The following CLIC2 variants were observed in gnomAD, a reference collection of about 807,000 sequenced individuals.
The protein encoded by CLIC2 is CLIC family member 2.
In CLIC2, 9 loss-of-function variants were observed where a neutral mutation model predicts 14.8. The ratio of observed to expected loss-of-function variants is 0.61; its 90% CI spans 0.37 to 1.06. The LOEUF (loss-of-function observed/expected upper bound fraction) is 1.06, where lower values mean the gene tolerates loss of function less well. Ranked by LOEUF, CLIC2 falls within the 50% of genes least tolerant of loss-of-function variation. The pLI is 0.01. For missense variants in CLIC2, 148 were observed against 181.4 expected (o/e 0.82, Z 1.06); for synonymous variants, 61 against 66.3 (o/e 0.92, Z 0.39).
chrX:155,333,249 A>G, intron 1 of CLIC2, among the ~76,000 whole-genome samples: 1 of 111,623 alleles, frequency 9.0e-6, no homozygotes, highest in East Asian at 2.8e-4. Context: ...GTAAGCCATC[A>G]GGGAGCTGTA....
intron 3 of CLIC2, among the ~76,000 whole-genome samples, chrX:155,295,358 G>A (rs896620680): frequency 4.5e-5 from 5 of 110,835 alleles, no homozygotes; most frequent in African/African-American, 1.3e-4. Context: ...GGCATAGAAG[G>A]AAAATATGTC....
At chrX:155,318,750 A>G (rs1189586216) in intron 1 of CLIC2, among the ~76,000 whole-genome samples, 1 of 112,082 alleles carries the variant, frequency 8.9e-6, no homozygotes, top group Non-Finnish European at 1.9e-5. Flanking sequence ...CCCACATAGC[A>G]AAAGAAAGAC....
At chrX:155,302,411 G>A (rs1602944458) in intron 1 of CLIC2, among the ~76,000 whole-genome samples, 1 of 110,289 alleles carries the variant, frequency 9.1e-6, no homozygotes. Context: ...TATTTCTGTG[G>A]AATCAGTGGT....
intron 1 of CLIC2, among the ~76,000 whole-genome samples, chrX:155,303,969 T>C (rs1182286366): frequency 1.9e-5 from 2 of 107,145 alleles, no homozygotes; most frequent in Admixed American, 2.0e-4. Flanking sequence ...CTGATGGGCT[T>C]CCCTTTGAGG....
chrX:155,299,171 T>C (rs782589527), intron 1 of CLIC2, 26 bp from the exon 2 acceptor site: 1 of 1,107,393 alleles, frequency 9.0e-7, no homozygotes, highest in African/African-American at 1.8e-5. Context: ...GAGACCTCAG[T>C]TCATTTGTTT....
chrX:155,325,761 G>GATATA (rs1214249356), intron 1 of CLIC2, among the ~76,000 whole-genome samples: 23 of 32,859 alleles, frequency 7.0e-4, no homozygotes, highest in African/African-American at 2.5e-3. Context: ...AAGAAAATGT[G>GATATA]ATATATATAT....
intron 1 of CLIC2, among the ~76,000 whole-genome samples, chrX:155,299,873 A>G (rs2075009292): frequency 1.9e-5 from 2 of 107,134 alleles, no homozygotes; most frequent in Non-Finnish European, 3.9e-5. Flanking sequence ...GATGATTTCC[A>G]ATTTCATCCA....
At chrX:155,330,767 T>C (rs2075154098) in intron 1 of CLIC2, among the ~76,000 whole-genome samples, 1 of 110,268 alleles carries the variant, frequency 9.1e-6, no homozygotes, top group African/African-American at 3.3e-5. Flanking sequence ...ACCTGAGAGA[T>C]GATGAGGACT....
At chrX:155,327,675 A>G (rs1214848280) in intron 1 of CLIC2, among the ~76,000 whole-genome samples, 1 of 111,294 alleles carries the variant, frequency 9.0e-6, no homozygotes, top group Admixed American at 9.6e-5. Flanking sequence ...GCTAATGGGT[A>G]CTAGGCTTAA....
intron 1 of CLIC2, chrX:155,310,318 G>T: frequency 5.6e-6 from 1 of 177,382 alleles, no homozygotes; most frequent in Non-Finnish European, 1.1e-5. Flanking sequence ...ACTGTATATA[G>T]TGCCAGGTCA....
chrX:155,332,668 G>A (rs1342126745), intron 1 of CLIC2, among the ~76,000 whole-genome samples: 1 of 111,898 alleles, frequency 8.9e-6, no homozygotes, highest in Non-Finnish European at 1.9e-5. Context: ...TTAGCACAGT[G>A]CCTACCATAT....
intron 3 of CLIC2, among the ~76,000 whole-genome samples, chrX:155,289,216 T>C (rs1326944090): frequency 9.0e-6 from 1 of 111,601 alleles, no homozygotes; most frequent in Non-Finnish European, 1.9e-5. Flanking sequence ...CAGCATAAAG[T>C]TTAGATCAAT....
In CLIC2 at chrX:155,308,326, A is replaced by T. The variant is rs143011604; in HGVS notation, c.58-9181T>A. ...ATTGATCAAGCAGAAGAAAGAATTAATGAGCTTGAAGGCAGGCTATTTTAA... is the reference window on the plus strand; with the variant it reads ...ATTGATCAAGCAGAAGAAAGAATTATTGAGCTTGAAGGCAGGCTATTTTAA... On this transcript the variant is annotated intron_variant, in intron 1 of 5. Coordinates refer to ENST00000369449, the MANE Select transcript of CLIC2 (RefSeq NM_001289.6). Among the ~76,000 whole-genome samples, 794 of 109,736 alleles carry T rather than the reference A, an allele frequency of 7.2e-3. 6 individuals are homozygous for T. Among genetic ancestry groups the T allele is most frequent in the African/African-American group, 0.025 (747 of 30,156 alleles).
At chrX:155,300,516 A>G (rs1557318928) in intron 1 of CLIC2, among the ~76,000 whole-genome samples, 1 of 110,932 alleles carries the variant, frequency 9.0e-6, no homozygotes, top group Non-Finnish European at 1.9e-5. Context: ...ATTTTCTCCC[A>G]TTTTGTAGGT....
At chrX:155,283,890 G>A (rs1243830030) in intron 3 of CLIC2, among the ~76,000 whole-genome samples, 1 of 111,612 alleles carries the variant, frequency 9.0e-6, no homozygotes, top group African/African-American at 3.3e-5. Flanking sequence ...TGAAATATTT[G>A]TTCCATTAGC....
At chrX:155,292,464 C>T in intron 3 of CLIC2, 1 of 640,142 alleles carries the variant, frequency 1.6e-6, no homozygotes, top group South Asian at 2.3e-5. Context: ...ACAGAATACT[C>T]AGAAAGTTGA....
chrX:155,309,386 A>G (rs965667711), intron 1 of CLIC2, among the ~76,000 whole-genome samples: 2 of 112,035 alleles, frequency 1.8e-5, no homozygotes, highest in South Asian at 3.7e-4. Context: ...AATACTTCTA[A>G]TATCATTCTA....
At chrX:155,297,186 T>C (rs1196638452) in intron 3 of CLIC2, among the ~76,000 whole-genome samples, 1 of 111,804 alleles carries the variant, frequency 8.9e-6, no homozygotes, top group African/African-American at 3.2e-5. Flanking sequence ...GGAGTTGTTA[T>C]GTCAAGTGAA....
At chrX:155,310,671 G>A (rs1557320462) in intron 1 of CLIC2, among the ~76,000 whole-genome samples, 5 of 112,061 alleles carry the variant, frequency 4.5e-5, no homozygotes. Flanking sequence ...CACCCCAGTG[G>A]GGACTCTGTG....
Sources: gnomAD v4.1 joint callset for allele counts (sites outside exome capture counted in the v4.1 genomes callset) on GRCh38, gnomAD v4.1.1 for gene constraint, MANE v1.5 for transcripts, NCBI Gene and HGNC (gene_info 2026-07-23, HGNC 2026-07-21) for gene names.